The following HKDC1 variants were observed in gnomAD, a reference collection of about 807,000 sequenced individuals.
The protein encoded by HKDC1 is hexokinase HKDC1.
In HKDC1, 66 loss-of-function variants were observed where a neutral mutation model predicts 96.6. The observed-to-expected ratio is 0.68, with a 90% CI of 0.56 to 0.84. The LOEUF is 0.84. Ranked by LOEUF, HKDC1 falls within the 40% of genes least tolerant of loss-of-function variation. HKDC1 has a pLI of 0.00. For synonymous variants in HKDC1, 466 were observed against 473.1 expected, an observed-to-expected ratio of 0.98 and a Z score of 0.20; for missense variants, 1,211 against 1,208.1, an observed-to-expected ratio of 1.00 and a Z score of -0.04.
Position 69,257,295 on chromosome 10 carries a change from T to TG in HKDC1, c.1933-29dup, listed in dbSNP as rs145912037. ...TTGCACATTCAACTCATAGTAAAGC[T>TG]GGGTTTTTTTTGTTTTTGTTTTTGT... On this transcript the variant is annotated intron_variant, in intron 13 of 17. Coordinates refer to ENST00000354624, the MANE Select transcript of HKDC1 (RefSeq NM_025130.4). 2,316 of 1,587,550 alleles carry TG rather than the reference T, an allele frequency of 1.5e-3. 31 individuals carry two copies. In the African/African-American group the frequency reaches 0.027, roughly 19 times the overall value.
At chr10:69,251,541 T>G (rs776743814) in intron 12 of HKDC1, among the ~76,000 whole-genome samples, 1 of 152,246 alleles carries the variant, frequency 6.6e-6, no homozygotes, top group Admixed American at 6.5e-5. Flanking sequence ...GAGATTTTCA[T>G]AGGAATTGAG....
chr10:69,231,656 T>C (rs2132338196), intron 2 of HKDC1, among the ~76,000 whole-genome samples: 1 of 152,324 alleles, frequency 6.6e-6, no homozygotes, highest in East Asian at 1.9e-4. Context: ...ATAGCTGATT[T>C]ATGCGCCTGT....
chr10:69,247,616 G>GC, intron 9 of HKDC1, 23 bp downstream of exon 9: 4 of 1,587,614 alleles, frequency 2.5e-6, no homozygotes, highest in Non-Finnish European at 3.5e-6. Flanking sequence ...TGCCATCCAC[G>GC]CCCCCACAAA....
chr10:69,243,119 G>A (rs1843478420), intron 6 of HKDC1, 63 bp from the exon 7 acceptor site: 1 of 1,541,188 alleles, frequency 6.5e-7, no homozygotes, highest in Admixed American at 1.7e-5. Context: ...GCAGTCAAGA[G>A]TTCTCTGTCT....
intron 6 of HKDC1, among the ~76,000 whole-genome samples, chr10:69,241,782 G>A (rs1032458296): frequency 3.3e-5 from 5 of 152,158 alleles, no homozygotes; most frequent in Admixed American, 2.6e-4. Context: ...ACCACGCCCG[G>A]CCGGATGTGC....
At chr10:69,247,326 A>G (rs752392986) in intron 8 of HKDC1, 34 bp from the exon 9 acceptor site, 2 of 1,429,740 alleles carry the variant, frequency 1.4e-6, no homozygotes, top group Non-Finnish European at 2.0e-6. Flanking sequence ...TGGGATGGAG[A>G]AGTGTCGTTC....
chr10:69,249,979 T>C (rs745392145), intron 10 of HKDC1, among the ~76,000 whole-genome samples: 16 of 152,190 alleles, frequency 1.1e-4, no homozygotes, highest in Admixed American at 1.3e-4. Flanking sequence ...TAAAAAGCCA[T>C]TTCTCAGAAG....
At chr10:69,232,456 C>G (rs924124369) in intron 2 of HKDC1, 5 of 313,480 alleles carry the variant, frequency 1.6e-5, no homozygotes, top group African/African-American at 4.3e-5. Flanking sequence ...GTCGAGGCCA[C>G]CTCTCATACC....
chr10:69,262,826 A>G (rs991222481), intron 16 of HKDC1, among the ~76,000 whole-genome samples: 4 of 152,074 alleles, frequency 2.6e-5, no homozygotes, highest in Non-Finnish European at 5.9e-5. Context: ...GTTAAAAATC[A>G]TCACGCTTGG....
At chr10:69,225,281 G>A (rs1843137000) in intron 1 of HKDC1, among the ~76,000 whole-genome samples, 1 of 152,192 alleles carries the variant, frequency 6.6e-6, no homozygotes, top group Non-Finnish European at 1.5e-5. Flanking sequence ...AGCCCTTTGG[G>A]TAGGAAAGAA....
At chr10:69,263,266 T>C (rs1241318678) in intron 16 of HKDC1, among the ~76,000 whole-genome samples, 1 of 152,094 alleles carries the variant, frequency 6.6e-6, no homozygotes, top group Non-Finnish European at 1.5e-5. Context: ...ACCTAGCTAA[T>C]TTTTGTATTT....
rs887624598 is a variant in HKDC1 at position 69,220,817 on chromosome 10, A to G, written c.63+319A>G. On this transcript the variant is annotated intron_variant, in intron 1 of 17. Coordinates refer to ENST00000354624, the MANE Select transcript of HKDC1 (RefSeq NM_025130.4). ...GGGATGTTTGCTCGGAAAGGCCACA[A>G]AGGCGAGGAGAATCATTTTCAAAGA... Among the ~76,000 whole-genome samples the G allele has an allele frequency of 6.6e-5, 10 of 152,350 alleles. No homozygotes were observed. In the South Asian group the frequency reaches 1.7e-3, roughly 25 times the overall value.
chr10:69,265,765 G>A lies in HKDC1; in HGVS notation c.2553G>A (p.Glu851=), dbSNP rs574797984. The change falls in exon 17 of 18, where the codon GAG becomes GAA. Residue 851 remains glutamate, a synonymous_variant. Coordinates refer to ENST00000354624, the MANE Select transcript of HKDC1 (RefSeq NM_025130.4). ...VEKRREDQGL[E]HLRITVGVDG... ...AAAGGAGAGAAGACCAGGGGCTAGA[G>A]CACCTGAGGATCACTGTGGGTGTGG... 51 of 1,613,606 alleles carry A rather than the reference G, an allele frequency of 3.2e-5. No homozygotes were observed. The Admixed American group carries it at 4.2e-4, about 13-fold the overall frequency.
intron 4 of HKDC1, among the ~76,000 whole-genome samples, chr10:69,237,873 C>T (rs1843388483): frequency 6.6e-6 from 1 of 152,198 alleles, no homozygotes; most frequent in East Asian, 1.9e-4. Flanking sequence ...TTTCCTCCCT[C>T]TCTCAATCCC....
Position 69,257,507 on chromosome 10 carries a change from C to T in HKDC1, c.2032+81C>T, listed in dbSNP as rs1843738468. 1.1e-5 allele frequency: 12 copies of T among 1,092,552 alleles called. No individual in the cohort carries two copies. The Admixed American group carries it at 1.9e-4, about 17-fold the overall frequency. 67.7% of individuals were successfully genotyped at this position (1,092,552 alleles called of 1,614,324 possible). A position where few individuals can be genotyped will look rare whatever the true frequency, so the allele number is the denominator to read the frequency against. ...CCTTTTAACATAGTGAGAGGGTGGGCATTGTTCCATTATACAGAGGCTCTG... is the reference window on the plus strand; with the variant it reads ...CCTTTTAACATAGTGAGAGGGTGGGTATTGTTCCATTATACAGAGGCTCTG... On this transcript the variant is annotated intron_variant, in intron 14 of 17. Coordinates refer to ENST00000354624, the MANE Select transcript of HKDC1 (RefSeq NM_025130.4).
At chr10:69,226,133 G>A (rs1843152189) in intron 1 of HKDC1, 1 of 152,182 alleles carries the variant, frequency 6.6e-6, no homozygotes, top group South Asian at 2.1e-4. Context: ...GTGTTAATTA[G>A]TGTGAGGGAG....
intron 12 of HKDC1, among the ~76,000 whole-genome samples, chr10:69,253,365 G>A (rs1288235419): frequency 6.6e-6 from 1 of 152,186 alleles, no homozygotes; most frequent in Non-Finnish European, 1.5e-5. Flanking sequence ...CCTCCGGGCA[G>A]GGACATGTCC....
In HKDC1 at chr10:69,237,293, G is replaced by C. The variant is rs946949066; in HGVS notation, c.496-1749G>C. 2.3e-3 allele frequency among the ~76,000 whole-genome samples: 345 copies of C among 151,330 alleles called. 2 individuals carry two copies. Among genetic ancestry groups the C allele is most frequent in the African/African-American group, 7.9e-3 (323 of 41,108 alleles). ...GAAATTTCTTTGTGTGTGTGTGTGT[G>C]TGTGTGTGTGTGTGTGTGTGTGTGT... On this transcript the variant is annotated intron_variant, in intron 4 of 17. Coordinates refer to ENST00000354624, the MANE Select transcript of HKDC1 (RefSeq NM_025130.4).
chr10:69,261,972 A>G (rs1274521991), intron 16 of HKDC1: 4 of 285,570 alleles, frequency 1.4e-5, no homozygotes, highest in Admixed American at 4.3e-5. Context: ...TTAGACCCAG[A>G]TGCTTAATTA....
Sources: gnomAD v4.1 joint callset for allele counts (sites outside exome capture counted in the v4.1 genomes callset) on GRCh38, gnomAD v4.1.1 for gene constraint, MANE v1.5 for transcripts, NCBI Gene and HGNC (gene_info 2026-07-23, HGNC 2026-07-21) for gene names.